Variants in ZFHX3 observed in about 807,000 individuals in gnomAD.
ZFHX3 encodes the protein zinc finger homeobox protein 3.
ZFHX3 carries 42 observed loss-of-function variants against 279.1 expected under a neutral mutation model. That is an observed-to-expected ratio of 0.15 (90% CI 0.12 to 0.19). The LOEUF (loss-of-function observed/expected upper bound fraction) is 0.19, where lower values mean the gene tolerates loss of function less well. Among genes scored for constraint, ZFHX3 ranks in the 10% least tolerant of loss-of-function variants. The pLI, the probability that ZFHX3 is intolerant of heterozygous loss-of-function variation, is 1.00. For synonymous variants in ZFHX3, 2,293 were observed against 1,957.8 expected, an observed-to-expected ratio of 1.17 and a Z score of -4.52; for missense variants, 4,981 against 4,754.0, an observed-to-expected ratio of 1.05 and a Z score of -1.40.
intron 1 of ZFHX3, among the ~76,000 whole-genome samples, chr16:73,739,415 C>T (rs1249481136): frequency 1.3e-5 from 2 of 152,146 alleles, no homozygotes; most frequent in African/African-American, 2.4e-5. Context: ...CCTTACCTCT[C>T]TCAGTAGATG....
At chr16:73,481,284 G>C (rs1008013803) in intron 2 of ZFHX3, among the ~76,000 whole-genome samples, 2 of 150,714 alleles carry the variant, frequency 1.3e-5, no homozygotes, top group Non-Finnish European at 3.0e-5. Context: ...AGCTGAGATC[G>C]CATCACTGCA....
rs1308972029 is a variant in ZFHX3 at position 72,783,575 on chromosome 16, A to C, written c.*3589T>G. 6.6e-6 allele frequency: 1 copy of C among 152,352 alleles called. No individual in the cohort carries two copies. The highest frequency in any genetic ancestry group is 2.4e-5 in the African/African-American group (1 of 41,408). 9.4% of individuals were successfully genotyped at this position (152,352 alleles called of 1,614,324 possible). ...AACTTTGGCCACATTCATCTCTTTA[A>C]ATAGCTTGTAATTAAAAAAAAAATT... is the stretch of plus-strand genomic sequence containing the variant. On this transcript the variant is annotated 3_prime_UTR_variant, in exon 10 of 10. Coordinates refer to ENST00000268489, the MANE Select transcript of ZFHX3 (RefSeq NM_006885.4).
intron 1 of ZFHX3, among the ~76,000 whole-genome samples, chr16:72,976,759 C>G (rs918061826): frequency 1.3e-5 from 2 of 152,220 alleles, no homozygotes; most frequent in African/African-American, 4.8e-5. Context: ...AGTGAACTGA[C>G]TGAGGTCCAC....
intron 2 of ZFHX3, chr16:73,609,610 C>T (rs976138516): frequency 6.6e-6 from 1 of 150,914 alleles, no homozygotes; most frequent in African/African-American, 2.4e-5. Context: ...TGGGGGACGA[C>T]TTAGCAGGAA....
At chr16:72,812,847 G>T (rs1248694506) in intron 5 of ZFHX3, among the ~76,000 whole-genome samples, 2 of 152,166 alleles carry the variant, frequency 1.3e-5, no homozygotes, top group African/African-American at 4.8e-5. Flanking sequence ...CAGCACGTAC[G>T]GAAGTGCTGG....
intron 3 of ZFHX3, among the ~76,000 whole-genome samples, chr16:72,928,739 T>C (rs1461826424): frequency 6.6e-6 from 1 of 152,198 alleles, no homozygotes; most frequent in Non-Finnish European, 1.5e-5. Flanking sequence ...GTAGGGAGGA[T>C]GGCTTGAGGT....
chr16:73,392,418 C>CAAAA (rs35019692), intron 3 of ZFHX3, among the ~76,000 whole-genome samples: 6,593 of 35,626 alleles, frequency 0.19, 1,168 homozygotes, highest in East Asian at 0.41. Context: ...GACCCTGTCT[C>CAAAA]AAAAAAAAAA....
chr16:73,718,143 G>C (rs543818850), intron 1 of ZFHX3, among the ~76,000 whole-genome samples: 12 of 152,312 alleles, frequency 7.9e-5, no homozygotes, highest in African/African-American at 2.9e-4. Flanking sequence ...GGGCACGGTG[G>C]CTCACGCCTG....
chr16:72,791,706 C>T (rs945221308), intron 9 of ZFHX3: 21 of 152,220 alleles, frequency 1.4e-4, no homozygotes, highest in African/African-American at 3.9e-4. Flanking sequence ...TAATTAAATG[C>T]TTCTCTATTT....
chr16:73,345,851 G>C (rs562556088), intron 3 of ZFHX3, among the ~76,000 whole-genome samples: 1 of 152,098 alleles, frequency 6.6e-6, no homozygotes, highest in Non-Finnish European at 1.5e-5. Flanking sequence ...GGTGGTGCTC[G>C]GTGACACCAG....
intron 2 of ZFHX3, among the ~76,000 whole-genome samples, chr16:73,595,627 T>C (rs768819449): frequency 1.3e-5 from 2 of 152,230 alleles, no homozygotes; most frequent in African/African-American, 2.4e-5. Context: ...ACCATAGATA[T>C]ACTGATGGCT....
intron 3 of ZFHX3, among the ~76,000 whole-genome samples, chr16:73,351,258 T>C (rs2016236043): frequency 6.6e-6 from 1 of 152,206 alleles, no homozygotes; most frequent in South Asian, 2.1e-4. Flanking sequence ...TTCGTTCAAG[T>C]GTCAACCCCA....
At chr16:73,755,672 C>G (rs2053801988) in intron 1 of ZFHX3, among the ~76,000 whole-genome samples, 1 of 152,198 alleles carries the variant, frequency 6.6e-6, no homozygotes, top group South Asian at 2.1e-4. Flanking sequence ...GCCCAAGCCT[C>G]TGACTTCAGC....
intron 3 of ZFHX3, among the ~76,000 whole-genome samples, chr16:72,924,868 C>A (rs2144257045): frequency 6.6e-6 from 1 of 152,316 alleles, no homozygotes; most frequent in Middle Eastern, 3.4e-3. Context: ...TTTTCTTCCT[C>A]TGGGCACTTC....
chr16:73,605,488 G>C (rs893180047), intron 2 of ZFHX3, among the ~76,000 whole-genome samples: 1 of 152,158 alleles, frequency 6.6e-6, no homozygotes, highest in African/African-American at 2.4e-5. Flanking sequence ...AATTAAGTCA[G>C]GATTCCAGGC....
intron 1 of ZFHX3, among the ~76,000 whole-genome samples, chr16:72,964,239 A>T (rs1961721550): frequency 6.6e-6 from 1 of 152,254 alleles, no homozygotes; most frequent in African/African-American, 2.4e-5. Context: ...CAAGCAATGC[A>T]TGGAGATTTA....
intron 1 of ZFHX3, among the ~76,000 whole-genome samples, chr16:73,864,377 A>G (rs1434021915): frequency 6.6e-6 from 1 of 152,222 alleles, no homozygotes; most frequent in Non-Finnish European, 1.5e-5. Context: ...TACCGTGATA[A>G]ACACAGAGGT....
At chr16:73,046,740 A>G (rs1965316642) in intron 1 of ZFHX3, among the ~76,000 whole-genome samples, 1 of 152,182 alleles carries the variant, frequency 6.6e-6, no homozygotes, top group African/African-American at 2.4e-5. Context: ...ACTTTCTCAC[A>G]ATCTACCTTC....
At chr16:73,167,230 T>G (rs534017392) in intron 5 of ZFHX3, among the ~76,000 whole-genome samples, 1 of 152,350 alleles carries the variant, frequency 6.6e-6, no homozygotes, top group Non-Finnish European at 1.5e-5. Context: ...GGATTGGAAA[T>G]TCTCTTAAAA....
Sources: gnomAD v4.1 joint callset for allele counts (sites outside exome capture counted in the v4.1 genomes callset) on GRCh38, gnomAD v4.1.1 for gene constraint, MANE v1.5 for transcripts, NCBI Gene and HGNC (gene_info 2026-07-23, HGNC 2026-07-21) for gene names.